TLCD4: variants seen among roughly 807,000 people sequenced by gnomAD.
TLCD4 encodes the protein TLC domain-containing protein 4.
A neutral mutation model predicts 24.2 loss-of-function variants in TLCD4; 7 were observed. The observed-to-expected ratio is 0.29, with a 90% confidence interval of 0.16 to 0.54. TLCD4 has a LOEUF of 0.54. Ranked by LOEUF, TLCD4 falls within the 20% of genes least tolerant of loss-of-function variation. The pLI is 0.95. For synonymous variants in TLCD4, 103 were observed against 106.4 expected, an observed-to-expected ratio of 0.97 and a Z score of 0.20; for missense variants, 259 against 313.9, an observed-to-expected ratio of 0.82 and a Z score of 1.32.
chr1:95,100,926 T>A, the TLCD4 span, among the ~76,000 whole-genome samples: 6 of 139,802 alleles, frequency 4.3e-5, no homozygotes, highest in African/African-American at 1.5e-4. Flanking sequence ...TTTTTTTTTT[T>A]GAGACAGAGT....
At chr1:95,157,132 A>G (rs1397243492) in intron 5 of TLCD4, among the ~76,000 whole-genome samples, 3 of 152,178 alleles carry the variant, frequency 2.0e-5, no homozygotes, top group Admixed American at 6.5e-5. Context: ...TAGGTAATTC[A>G]TTTTTATTTG....
intron 6 of TLCD4, among the ~76,000 whole-genome samples, chr1:95,178,186 A>G (rs1008226417): frequency 5.3e-5 from 8 of 151,870 alleles, no homozygotes; most frequent in Non-Finnish European, 1.0e-4. Flanking sequence ...AGCTCAGGCA[A>G]TCTGCCCACC....
rs1677156225 is a variant in TLCD4 at position 95,140,049 on chromosome 1, C to T, written c.-11-3842C>T. ...TCTCCTATGAGAACAATGCCTCCTT[C>T]TGGACTGCCTCCTGAAGGACTTTCC... On this transcript the variant is annotated intron_variant, in intron 1 of 6. Coordinates refer to ENST00000370203, the MANE Select transcript of TLCD4 (RefSeq NM_152487.3). 2.0e-5 allele frequency among the ~76,000 whole-genome samples: 3 copies of T among 152,100 alleles called. No homozygotes were observed. In the South Asian group the frequency reaches 6.2e-4, roughly 32 times the overall value.
chr1:95,150,140 A>G (rs1677452763), intron 3 of TLCD4, 68 bp from the exon 4 acceptor site: 3 of 1,524,718 alleles, frequency 2.0e-6, no homozygotes, highest in Non-Finnish European at 2.6e-6. Context: ...TTAAATCTCT[A>G]TAGAAAAAAG....
At chr1:95,094,601 C>T in the TLCD4 span, among the ~76,000 whole-genome samples, 97 of 152,302 alleles carry the variant, frequency 6.4e-4, no homozygotes, top group African/African-American at 2.2e-3. Context: ...ACAGGTTAAA[C>T]ATCTGTGAAC....
At chr1:95,107,050 A>G in the TLCD4 span, among the ~76,000 whole-genome samples, 1 of 152,252 alleles carries the variant, frequency 6.6e-6, no homozygotes, top group Non-Finnish European at 1.5e-5. Flanking sequence ...TAGTTGTAAT[A>G]ACATGAGGTA....
chr1:95,196,744 A>T lies in TLCD4; in HGVS notation c.*4876A>T, dbSNP rs1679218206. On this transcript the variant is annotated 3_prime_UTR_variant, in exon 7 of 7. Transcript: ENST00000370203. ...AAACATCTTTGGATATTTTTTCTTT[A>T]TATCTTTATGTAATTATTTCTGTAA... 1 of 152,102 alleles carries T rather than the reference A, an allele frequency of 6.6e-6. No homozygotes were observed. The highest frequency in any genetic ancestry group is 1.5e-5 in the Non-Finnish European group (1 of 68,004). 9.4% of individuals were successfully genotyped at this position (152,102 alleles called of 1,614,324 possible).
intron 5 of TLCD4, among the ~76,000 whole-genome samples, chr1:95,152,456 G>C (rs1251987111): frequency 6.6e-6 from 1 of 151,962 alleles, no homozygotes; most frequent in African/African-American, 2.4e-5. Flanking sequence ...CATTTAAGCT[G>C]TTTGCAGTAA....
chr1:95,171,946 C>T (rs764579681), intron 5 of TLCD4, among the ~76,000 whole-genome samples: 9 of 152,154 alleles, frequency 5.9e-5, no homozygotes, highest in Non-Finnish European at 1.2e-4. Flanking sequence ...TGACTGGTCT[C>T]CTTGTGAAAA....
chr1:95,190,511 T>G (rs568394644), intron 6 of TLCD4, among the ~76,000 whole-genome samples: 1 of 152,134 alleles, frequency 6.6e-6, no homozygotes, highest in Non-Finnish European at 1.5e-5. Context: ...GTATTTTTAG[T>G]AGAGACGGGG....
the TLCD4 span, among the ~76,000 whole-genome samples, chr1:95,095,652 C>T: frequency 1.3e-5 from 2 of 152,210 alleles, no homozygotes; most frequent in African/African-American, 4.8e-5. Flanking sequence ...CCGCCTCAGC[C>T]TCCCAAAGTG....
At chr1:95,159,422 G>T (rs1174990028) in intron 5 of TLCD4, among the ~76,000 whole-genome samples, 1 of 152,144 alleles carries the variant, frequency 6.6e-6, no homozygotes, top group African/African-American at 2.4e-5. Context: ...TTTGTCAGAT[G>T]GGTAGATTGC....
At chr1:95,167,725 G>C (rs1392710092) in intron 5 of TLCD4, among the ~76,000 whole-genome samples, 1 of 152,140 alleles carries the variant, frequency 6.6e-6, no homozygotes, top group Non-Finnish European at 1.5e-5. Context: ...ATTGTATCTT[G>C]AGTTAAAAGA....
intron 6 of TLCD4, among the ~76,000 whole-genome samples, chr1:95,182,264 G>GT (rs769720484): frequency 5.7e-4 from 84 of 147,042 alleles, no homozygotes; most frequent in Non-Finnish European, 9.2e-4. Context: ...ATAGTTTATT[G>GT]TTTTTTGTTT....
At chr1:95,104,612 G>A in the TLCD4 span, among the ~76,000 whole-genome samples, 2 of 136,616 alleles carry the variant, frequency 1.5e-5, no homozygotes, top group Non-Finnish European at 3.1e-5. Context: ...CCTGCAATGA[G>A]CTGAGATCGC....
At chr1:95,127,441 G>A (rs971035882) in intron 1 of TLCD4, among the ~76,000 whole-genome samples, 1 of 152,220 alleles carries the variant, frequency 6.6e-6, no homozygotes, top group Non-Finnish European at 1.5e-5. Flanking sequence ...GTAGCTTGGC[G>A]GTGACTGAGT....
chr1:95,096,485 G>A, the TLCD4 span, among the ~76,000 whole-genome samples: 1 of 152,286 alleles, frequency 6.6e-6, no homozygotes, highest in African/African-American at 2.4e-5. Context: ...GGAAGGGACA[G>A]TAAGAACTTT....
In TLCD4 at chr1:95,123,436, A is replaced by C. The variant is rs115025724; in HGVS notation, c.-12+5819A>C. 2.5e-3 allele frequency among the ~76,000 whole-genome samples: 386 copies of C among 152,348 alleles called. 1 individual carries two copies. The highest frequency in any genetic ancestry group is 8.8e-3 in the African/African-American group (367 of 41,578). Reference sequence around the variant, plus strand: ...AGAACCAAACCTTTAAGACATATTTAGCATTTTGAAGATTTGAGAACACTT... The same window carrying C: ...AGAACCAAACCTTTAAGACATATTTCGCATTTTGAAGATTTGAGAACACTT... On this transcript the variant is annotated intron_variant, in intron 1 of 6. Coordinates refer to ENST00000370203, the MANE Select transcript of TLCD4 (RefSeq NM_152487.3).
intron 2 of TLCD4, among the ~76,000 whole-genome samples, chr1:95,148,498 CCTT>C (rs1266916139): frequency 1.3e-5 from 2 of 152,188 alleles, no homozygotes; most frequent in African/African-American, 4.8e-5. Context: ...GTATCTTCCT[CCTT>C]CTTTATTCCA....
Sources: gnomAD v4.1 joint callset for allele counts (sites outside exome capture counted in the v4.1 genomes callset) on GRCh38, gnomAD v4.1.1 for gene constraint, MANE v1.5 for transcripts, NCBI Gene and HGNC (gene_info 2026-07-23, HGNC 2026-07-21) for gene names.